Variants in HDGFL2 observed in about 807,000 individuals in gnomAD.
HDGFL2 encodes the protein hepatoma-derived growth factor-related protein 2.
A neutral mutation model predicts 77.1 loss-of-function variants in HDGFL2; 36 were observed. The ratio of observed to expected loss-of-function variants is 0.47; its 90% confidence interval spans 0.36 to 0.62. The LOEUF is 0.62. HDGFL2 is among the 20% of genes least tolerant of loss of function. The pLI is 0.00. For synonymous variants in HDGFL2, 463 were observed against 413.1 expected (o/e 1.12, Z -1.46); for missense variants, 976 against 973.4 (o/e 1.00, Z -0.04).
chr19:4,499,950 G>T (rs1975813920), intron 14 of HDGFL2, among the ~76,000 whole-genome samples: 1 of 152,200 alleles, frequency 6.6e-6, no homozygotes, highest in African/African-American at 2.4e-5. Flanking sequence ...ACGCCAGAGG[G>T]GTGACGGGGA....
At chr19:4,493,646 G>C in intron 6 of HDGFL2, 57 bp from the exon 7 acceptor site, 2 of 1,386,768 alleles carry the variant, frequency 1.4e-6, no homozygotes, top group African/African-American at 1.5e-5. Context: ...GGCCTGGTGC[G>C]CCCCGCTTCT....
At position 4,475,262 on chromosome 19, in the gene HDGFL2, C is replaced by T; in HGVS notation, c.73-13C>T. ...GTGGGTAAAGCCACCCCCTCACTGGCCTCTCACTGCAGATCGACGACATCG... is the reference window on the plus strand; with the variant it reads ...GTGGGTAAAGCCACCCCCTCACTGGTCTCTCACTGCAGATCGACGACATCG... On this transcript the variant is annotated splice_polypyrimidine_tract_variant and intron_variant, in intron 1 of 15. Coordinates refer to ENST00000616600, the MANE Select transcript of HDGFL2 (RefSeq NM_001001520.3). 1 of 1,613,070 alleles carries T rather than the reference C, an allele frequency of 6.2e-7. No individual in the cohort carries two copies. Among genetic ancestry groups the T allele is most frequent in the South Asian group, 1.1e-5 (1 of 91,060 alleles).
At position 4,499,661 on chromosome 19, in the gene HDGFL2, G is replaced by A; in HGVS notation, c.1746G>A (p.Gly582=). 1.9e-6 allele frequency: 3 copies of A among 1,577,840 alleles called. No homozygotes were observed. In the South Asian group the frequency reaches 3.5e-5, roughly 18 times the overall value. Reference sequence around the variant, plus strand: ...AGCTGGCCGGGGAGGAGCTGGCCGGGGAGGAGGCCCCCCAGGAGAAGGCGG... The same window carrying A: ...AGCTGGCCGGGGAGGAGCTGGCCGGAGAGGAGGCCCCCCAGGAGAAGGCGG... ...EEKLAGEELA[G]EEAPQEKAED... is the part of the protein sequence containing the mutation. Residue 582 remains glycine (G), a synonymous_variant, in exon 14 of 16, where the codon GGG becomes GGA. Transcript: ENST00000616600.
At chr19:4,487,732 G>A (rs115107325) in intron 3 of HDGFL2, among the ~76,000 whole-genome samples, 185 of 152,296 alleles carry the variant, frequency 1.2e-3, no homozygotes, top group African/African-American at 4.4e-3. Context: ...CCCAGTGCCC[G>A]ACACTCATGA....
intron 4 of HDGFL2, 84 bp from the exon 5 acceptor site, chr19:4,491,482 G>C: frequency 8.5e-7 from 1 of 1,175,628 alleles, no homozygotes; most frequent in South Asian, 1.3e-5. Context: ...CTCAGCTGTC[G>C]TGGGTGGTGG....
At chr19:4,488,469 G>T (rs1452653522) in intron 3 of HDGFL2, among the ~76,000 whole-genome samples, 1 of 152,122 alleles carries the variant, frequency 6.6e-6, no homozygotes, top group Non-Finnish European at 1.5e-5. Context: ...CCCGACCCTA[G>T]TGCCCACCAT....
Position 4,501,187 on chromosome 19 carries a change from C to T in HDGFL2, c.1790-4C>T, listed in dbSNP as rs764981114. ...GTGTCCTGTGACCCCTCTGTCCCAC[C>T]CAGATCTCTCAGCCCCAGTGAATGG... On this transcript the variant is annotated splice_region_variant and splice_polypyrimidine_tract_variant and intron_variant, in intron 14 of 15. Transcript: ENST00000616600. The T allele has an allele frequency of 1.9e-6, 3 of 1,613,202 alleles. No homozygotes were observed. Among genetic ancestry groups the T allele is most frequent in the South Asian group, 2.2e-5 (2 of 91,070 alleles).
chr19:4,487,425 A>G (rs1048883318), intron 3 of HDGFL2, among the ~76,000 whole-genome samples: 1 of 151,276 alleles, frequency 6.6e-6, no homozygotes, highest in Admixed American at 6.6e-5. Flanking sequence ...CCTTGCTAAT[A>G]TGTGCATCTT....
chr19:4,476,704 G>A (rs1215855859), intron 3 of HDGFL2, among the ~76,000 whole-genome samples: 1 of 151,048 alleles, frequency 6.6e-6, no homozygotes, highest in Non-Finnish European at 1.5e-5. Context: ...TGGCAAATGA[G>A]TGTCTGGAAA....
rs542058377 is a variant in HDGFL2, at chr19:4,493,497, C to T, written c.679-206C>T. On this transcript the variant is annotated intron_variant, in intron 6 of 15. Coordinates refer to ENST00000616600, the MANE Select transcript of HDGFL2 (RefSeq NM_001001520.3). ...ATGAGGGGAAGGGCCAGCAGCTGCCCGGCGTGCCCAGGGCCGCCTGGGATC... is the reference window on the plus strand; with the variant it reads ...ATGAGGGGAAGGGCCAGCAGCTGCCTGGCGTGCCCAGGGCCGCCTGGGATC... Among the ~76,000 whole-genome samples the T allele has an allele frequency of 1.1e-3, 165 of 152,184 alleles. 1 individual carries two copies. The highest frequency in any genetic ancestry group is 3.7e-3 in the African/African-American group (153 of 41,518).
chr19:4,501,859 G>C (rs1975901574), intron 15 of HDGFL2, 52 bp from the exon 16 acceptor site: 3 of 1,333,936 alleles, frequency 2.2e-6, no homozygotes, highest in Admixed American at 3.4e-5. Context: ...CGCCCTACAG[G>C]CAGGGCAGGG....
chr19:4,477,492 A>G (rs1975102876), intron 3 of HDGFL2, among the ~76,000 whole-genome samples: 1 of 152,162 alleles, frequency 6.6e-6, no homozygotes, highest in African/African-American at 2.4e-5. Context: ...CCAGCCTGGA[A>G]GGATAGGTCA....
At chr19:4,485,209 C>T (rs992093493) in intron 3 of HDGFL2, among the ~76,000 whole-genome samples, 1 of 152,208 alleles carries the variant, frequency 6.6e-6, no homozygotes, top group African/African-American at 2.4e-5. Flanking sequence ...CACCTTCTAT[C>T]TCTCTGGATG....
At chr19:4,486,168 G>C (rs34586534) in intron 3 of HDGFL2, among the ~76,000 whole-genome samples, 2 of 151,754 alleles carry the variant, frequency 1.3e-5, no homozygotes, top group African/African-American at 2.4e-5. Context: ...GGTGTTCCAC[G>C]CTGGCAAGGC....
intron 3 of HDGFL2, among the ~76,000 whole-genome samples, chr19:4,478,688 G>GTT (rs112421877): frequency 2.8e-5 from 4 of 143,178 alleles, no homozygotes; most frequent in African/African-American, 7.7e-5. Flanking sequence ...TGGTTGGTTG[G>GTT]TTTTTTTTTT....
At chr19:4,474,014 T>G (rs1169508688) in intron 1 of HDGFL2, among the ~76,000 whole-genome samples, 1 of 151,788 alleles carries the variant, frequency 6.6e-6, no homozygotes, top group Non-Finnish European at 1.5e-5. Context: ...GCCTGAAGGA[T>G]ATTCCGCACC....
intron 3 of HDGFL2, among the ~76,000 whole-genome samples, chr19:4,484,719 T>G (rs1975316946): frequency 7.2e-6 from 1 of 139,286 alleles, no homozygotes; most frequent in South Asian, 2.5e-4. Context: ...TCATCCAGGC[T>G]GGAGTGTAGT....
intron 3 of HDGFL2, among the ~76,000 whole-genome samples, chr19:4,481,516 C>T (rs144562731): frequency 0.081 from 11,895 of 146,156 alleles, 520 homozygotes; most frequent in African/African-American, 0.13. Context: ...TTAGTAGAGA[C>T]GGGGTTTCAC....
chr19:4,475,340 C>T lies in HDGFL2; in HGVS notation c.138C>T (p.Gly46=), dbSNP rs1438981197. Residue 46 remains glycine, a synonymous_variant, in exon 2 of 16, where the codon GGC becomes GGT. Transcript: ENST00000616600. Reference sequence around the variant, plus strand: ...ACAAGTACCCCATCTTTTTCTTTGGCACACACGAAACGTAAGTGTCCCCTT... The same window carrying T: ...ACAAGTACCCCATCTTTTTCTTTGGTACACACGAAACGTAAGTGTCCCCTT... ...PPNKYPIFFF[G]THETAFLGPK... is the part of the protein sequence containing the mutation. The T allele has an allele frequency of 1.9e-6, 3 of 1,613,970 alleles. No individual in the cohort carries two copies. The highest frequency in any genetic ancestry group is 2.5e-6 in the Non-Finnish European group (3 of 1,180,022).
Sources: allele counts gnomAD v4.1 joint callset (sites outside exome capture counted in the v4.1 genomes callset), GRCh38; gene constraint gnomAD v4.1.1; transcripts MANE v1.5; gene names NCBI Gene and HGNC (gene_info 2026-07-23, HGNC 2026-07-21).